The following IL1RAPL1 variants were observed in gnomAD, a reference collection of about 807,000 sequenced individuals.
The protein encoded by IL1RAPL1 is interleukin 1 receptor accessory protein like 1.
In IL1RAPL1, 3 loss-of-function variants were observed where a neutral mutation model predicts 48.4. That is an observed-to-expected ratio of 0.06 (90% CI 0.03 to 0.16). The LOEUF is 0.16. Ranked by LOEUF, IL1RAPL1 falls within the 10% of genes least tolerant of loss-of-function variation. IL1RAPL1 has a pLI of 1.00. For synonymous variants in IL1RAPL1, 185 were observed against 187.7 expected (o/e 0.99, Z 0.12); for missense variants, 349 against 530.6 (o/e 0.66, Z 3.36).
chrX:29,679,457 T>C (rs1175313171), intron 6 of IL1RAPL1, among the ~76,000 whole-genome samples: 2 of 111,633 alleles, frequency 1.8e-5, no homozygotes, highest in Non-Finnish European at 3.8e-5. Flanking sequence ...ATTAGACTAG[T>C]TTTATGCACT....
intron 5 of IL1RAPL1, among the ~76,000 whole-genome samples, chrX:29,468,785 C>T (rs1380784165): frequency 8.9e-6 from 1 of 111,835 alleles, no homozygotes; most frequent in Non-Finnish European, 1.9e-5. Context: ...AATAATTTAG[C>T]CAAGTTACAA....
At chrX:29,642,497 T>C (rs373039996) in intron 5 of IL1RAPL1, among the ~76,000 whole-genome samples, 12 of 112,704 alleles carry the variant, frequency 1.1e-4, no homozygotes, top group East Asian at 5.6e-4. Flanking sequence ...CTCAGTGTTA[T>C]AATTACCTGT....
intron 2 of IL1RAPL1, among the ~76,000 whole-genome samples, chrX:29,271,302 G>A (rs1356524114): frequency 8.9e-6 from 1 of 111,940 alleles, no homozygotes; most frequent in Non-Finnish European, 1.9e-5. Context: ...CTTTGTTATT[G>A]TGAATAGTGC....
At chrX:28,823,819 A>G (rs1325685222) in intron 2 of IL1RAPL1, among the ~76,000 whole-genome samples, 1 of 111,336 alleles carries the variant, frequency 9.0e-6, no homozygotes, top group Non-Finnish European at 1.9e-5. Flanking sequence ...CATTGGGAAC[A>G]CTGGAAGAAT....
intron 2 of IL1RAPL1, among the ~76,000 whole-genome samples, chrX:28,967,143 C>A (rs1165076357): frequency 8.9e-6 from 1 of 111,915 alleles, no homozygotes; most frequent in Non-Finnish European, 1.9e-5. Context: ...GCAATAGTTT[C>A]TAACTTCTGC....
chrX:29,600,227 G>C (rs746469759), intron 5 of IL1RAPL1, among the ~76,000 whole-genome samples: 35 of 112,100 alleles, frequency 3.1e-4, no homozygotes, highest in African/African-American at 1.1e-3. Context: ...CCTTGATGTG[G>C]TGTTCTCCCC....
At chrX:28,895,156 A>G (rs958558322) in intron 2 of IL1RAPL1, among the ~76,000 whole-genome samples, 1 of 110,612 alleles carries the variant, frequency 9.0e-6, no homozygotes, top group African/African-American at 3.3e-5. Flanking sequence ...ATAGGAGAGT[A>G]TATGGGTTCG....
At chrX:29,595,412 T>G (rs1923509536) in intron 5 of IL1RAPL1, among the ~76,000 whole-genome samples, 1 of 111,920 alleles carries the variant, frequency 8.9e-6, no homozygotes, top group Non-Finnish European at 1.9e-5. Flanking sequence ...TATTTTTTGA[T>G]TTTTTTGATT....
At chrX:29,753,243 C>A (rs1023878243) in intron 6 of IL1RAPL1, among the ~76,000 whole-genome samples, 1 of 111,508 alleles carries the variant, frequency 9.0e-6, no homozygotes, top group Non-Finnish European at 1.9e-5. Flanking sequence ...AGGTGTTTCT[C>A]AGAGGCACTT....
In IL1RAPL1 at chrX:29,224,538, A is replaced by G. The variant is rs138917798; in HGVS notation, c.83-58400A>G. 9.9e-3 allele frequency among the ~76,000 whole-genome samples: 1,103 copies of G among 111,886 alleles called. 19 individuals carry two copies. Among genetic ancestry groups the G allele is most frequent in the African/African-American group, 0.034 (1,059 of 30,874 alleles). ...ATGAAGACTCTTGTTCTCTCTTTCT[A>G]TCTATTCCTTTATAATAATAGTAAT... On this transcript the variant is annotated intron_variant, in intron 2 of 10. Transcript: ENST00000378993.
rs552995827 is a variant in IL1RAPL1, at chrX:29,003,300, T to G, written c.82+213875T>G. 4.0e-4 allele frequency among the ~76,000 whole-genome samples: 45 copies of G among 111,601 alleles called. No homozygotes were observed. The South Asian group carries it at 0.017, about 42-fold the overall frequency. On this transcript the variant is annotated intron_variant, in intron 2 of 10. Coordinates refer to ENST00000378993, the MANE Select transcript of IL1RAPL1 (RefSeq NM_014271.4). ...CGATTTACTAGAGTTTAACTTTATT[T>G]ACTCATGAATAGGTAGATCTTGACA...
intron 6 of IL1RAPL1, among the ~76,000 whole-genome samples, chrX:29,895,436 C>A (rs1404149660): frequency 9.0e-6 from 1 of 111,563 alleles, no homozygotes; most frequent in Non-Finnish European, 1.9e-5. Flanking sequence ...CCTGTAATCC[C>A]AGCTACTTGG....
chrX:29,770,278 C>T (rs770907252), intron 6 of IL1RAPL1, among the ~76,000 whole-genome samples: 6 of 111,636 alleles, frequency 5.4e-5, no homozygotes, highest in African/African-American at 3.3e-5. Context: ...AACTCAAGTT[C>T]GGTGCATGTC....
intron 2 of IL1RAPL1, among the ~76,000 whole-genome samples, chrX:29,175,779 G>A (rs1353749152): frequency 3.2e-5 from 3 of 94,630 alleles, no homozygotes; most frequent in Non-Finnish European, 6.1e-5. Flanking sequence ...CCAGGAGGTA[G>A]AGGTTGCATT....
At chrX:29,814,567 C>G (rs1436451417) in intron 6 of IL1RAPL1, among the ~76,000 whole-genome samples, 1 of 111,303 alleles carries the variant, frequency 9.0e-6, no homozygotes, top group Non-Finnish European at 1.9e-5. Flanking sequence ...TTATGCTGTG[C>G]AGGAGCTTAG....
chrX:29,784,454 C>A (rs1929444086), intron 6 of IL1RAPL1, among the ~76,000 whole-genome samples: 1 of 111,455 alleles, frequency 9.0e-6, no homozygotes, highest in Admixed American at 9.6e-5. Context: ...TATTCATACA[C>A]AGGTATATGT....
intron 1 of IL1RAPL1, among the ~76,000 whole-genome samples, chrX:28,662,057 T>C (rs1330805326): frequency 1.8e-5 from 2 of 111,323 alleles, no homozygotes; most frequent in Admixed American, 9.6e-5. Flanking sequence ...CCCTCTTCTT[T>C]GCTCCTTCAG....
chrX:29,195,243 C>T lies in IL1RAPL1; in HGVS notation c.83-87695C>T, dbSNP rs138215404. ...GTGAAGAATGAGACCTAGGTTCTGA[C>T]GTCAGTCCTAAACTGTGAAGTAGAA... On this transcript the variant is annotated intron_variant, in intron 2 of 10. Transcript: ENST00000378993. Among the ~76,000 whole-genome samples, 43 of 111,646 alleles carry T rather than the reference C, an allele frequency of 3.9e-4. No individual in the cohort carries two copies. The East Asian group carries it at 7.9e-3, about 21-fold the overall frequency.
In IL1RAPL1 at chrX:29,787,157, G is replaced by A. The variant is rs187201929; in HGVS notation, c.778+118653G>A. Among the ~76,000 whole-genome samples, 4 of 111,626 alleles carry A rather than the reference G, an allele frequency of 3.6e-5. No homozygotes were observed. The East Asian group carries it at 1.1e-3, about 32-fold the overall frequency. On this transcript the variant is annotated intron_variant, in intron 6 of 10. Coordinates refer to ENST00000378993, the MANE Select transcript of IL1RAPL1 (RefSeq NM_014271.4). ...GCAAGCCCACAGAAACCTGGGAGAGGAGCCTTTGTTCTTATAGCTGGGGAA... is the reference window on the plus strand; with the variant it reads ...GCAAGCCCACAGAAACCTGGGAGAGAAGCCTTTGTTCTTATAGCTGGGGAA...
Sources: gnomAD v4.1 joint callset for allele counts (sites outside exome capture counted in the v4.1 genomes callset) on GRCh38, gnomAD v4.1.1 for gene constraint, MANE v1.5 for transcripts, NCBI Gene and HGNC (gene_info 2026-07-23, HGNC 2026-07-21) for gene names.